The following ERBB4 variants were observed in gnomAD, a reference collection of about 807,000 sequenced individuals.
The protein encoded by ERBB4 is erb-b2 receptor tyrosine kinase 4.
ERBB4 carries 42 observed loss-of-function variants against 158.0 expected under a neutral mutation model. The observed-to-expected ratio is 0.27, with a 90% CI of 0.21 to 0.34. The LOEUF is 0.34. Among genes scored for constraint, ERBB4 ranks in the 10% least tolerant of loss-of-function variants. ERBB4 has a pLI of 1.00. For synonymous variants in ERBB4, 583 were observed against 558.7 expected (o/e 1.04, Z -0.61); for missense variants, 1,333 against 1,624.1 (o/e 0.82, Z 3.08).
intron 1 of ERBB4, among the ~76,000 whole-genome samples, chr2:212,297,943 T>A (rs923896506): frequency 1.3e-5 from 2 of 151,686 alleles, no homozygotes; most frequent in African/African-American, 4.8e-5. Context: ...AATATAGTCA[T>A]AAAAATAATG....
chr2:211,482,474 A>C (rs564018985), intron 20 of ERBB4, among the ~76,000 whole-genome samples: 1 of 152,344 alleles, frequency 6.6e-6, no homozygotes, highest in Admixed American at 6.5e-5. Flanking sequence ...TCAGCATCTC[A>C]GAAGAAAGTT....
At chr2:212,018,658 G>T (rs1473638) in intron 2 of ERBB4, among the ~76,000 whole-genome samples, 109,255 of 151,978 alleles carry the variant, frequency 0.72, 40,357 homozygotes, top group East Asian at 0.93. Context: ...ATTTTATAGG[G>T]TTCATAGAAC....
intron 1 of ERBB4, among the ~76,000 whole-genome samples, chr2:212,432,190 A>C (rs1265334823): frequency 6.6e-6 from 1 of 152,314 alleles, no homozygotes; most frequent in South Asian, 2.1e-4. Flanking sequence ...TGGAATCAAA[A>C]TTTCAATGGT....
intron 20 of ERBB4, among the ~76,000 whole-genome samples, chr2:211,497,016 G>T (rs942234460): frequency 6.6e-6 from 1 of 152,014 alleles, no homozygotes; most frequent in African/African-American, 2.4e-5. Flanking sequence ...TTTGTCTGCT[G>T]TGTACCCCCA....
At chr2:211,755,919 C>T (rs1039668224) in intron 4 of ERBB4, among the ~76,000 whole-genome samples, 6 of 152,192 alleles carry the variant, frequency 3.9e-5, no homozygotes, top group Non-Finnish European at 7.3e-5. Context: ...CTAAAGGCAA[C>T]GCAGTTACAT....
chr2:211,882,902 T>C (rs1302127317), intron 3 of ERBB4, among the ~76,000 whole-genome samples: 3 of 152,170 alleles, frequency 2.0e-5, no homozygotes, highest in Non-Finnish European at 4.4e-5. Flanking sequence ...TGTATCTGTG[T>C]TGGGTTCTAA....
rs2090054904 is a variant in ERBB4, at chr2:212,370,731, TTC to T, written c.82+167716_82+167717del. 2.0e-5 allele frequency among the ~76,000 whole-genome samples: 3 copies of T among 152,164 alleles called. No homozygotes were observed. In the South Asian group the frequency reaches 6.2e-4, roughly 32 times the overall value. ...TTCAGAATCTTAAAAGCCATTTACCTTCTGTTTTTATATAACCCTTAAACACT... is the reference window on the plus strand; with the variant it reads ...TTCAGAATCTTAAAAGCCATTTACCTTGTTTTTATATAACCCTTAAACACT... On this transcript the variant is annotated intron_variant, in intron 1 of 27. Transcript: ENST00000342788.
chr2:212,284,088 T>C (rs2085864524), intron 1 of ERBB4, among the ~76,000 whole-genome samples: 1 of 152,072 alleles, frequency 6.6e-6, no homozygotes, highest in African/African-American at 2.4e-5. Context: ...AGTCAATTAT[T>C]ACAAAGAAGC....
rs1476152052 is a variant in ERBB4 at position 211,378,547 on chromosome 2, C to A, written c.*5068G>T. ...AGGGCCCCTGGCCCGACACAATGCC[C>A]ACAACAGCTTCTTGTTTCCAACTGC... On this transcript the variant is annotated 3_prime_UTR_variant, in exon 28 of 28. Coordinates refer to ENST00000342788, the MANE Select transcript of ERBB4 (RefSeq NM_005235.3). The A allele has an allele frequency of 8.6e-6, 2 of 232,728 alleles. No homozygotes were observed. The highest frequency in any genetic ancestry group is 1.7e-5 in the Non-Finnish European group (2 of 117,450). 14.4% of individuals were successfully genotyped at this position (232,728 alleles called of 1,614,324 possible).
intron 1 of ERBB4, among the ~76,000 whole-genome samples, chr2:212,213,357 C>A (rs62182602): frequency 0.16 from 24,633 of 151,894 alleles, 2,421 homozygotes; most frequent in Non-Finnish European, 0.21. Flanking sequence ...ATCAAAATCA[C>A]AATGAGAAGT....
chr2:211,587,822 T>C (rs978207151), intron 19 of ERBB4, among the ~76,000 whole-genome samples: 4 of 152,272 alleles, frequency 2.6e-5, no homozygotes, highest in East Asian at 1.9e-4. Flanking sequence ...TCTGTAAAAA[T>C]TACAGATGTA....
intron 12 of ERBB4, among the ~76,000 whole-genome samples, chr2:211,701,252 C>T (rs1294809777): frequency 3.3e-5 from 5 of 152,104 alleles, no homozygotes; most frequent in Admixed American, 2.0e-4. Context: ...TAGAAAAATA[C>T]GTCATTTTTC....
intron 2 of ERBB4, among the ~76,000 whole-genome samples, chr2:212,043,257 A>G (rs2077181599): frequency 6.6e-6 from 1 of 152,168 alleles, no homozygotes; most frequent in Non-Finnish European, 1.5e-5. Flanking sequence ...TTTTTAGTTG[A>G]CAAAGACTCA....
intron 9 of ERBB4, among the ~76,000 whole-genome samples, chr2:211,708,453 A>T (rs1436065665): frequency 6.6e-6 from 1 of 152,146 alleles, no homozygotes; most frequent in Non-Finnish European, 1.5e-5. Flanking sequence ...TTTCCAAAAG[A>T]GTCTATATAA....
chr2:212,395,323 G>A (rs533536745), intron 1 of ERBB4, among the ~76,000 whole-genome samples: 1 of 151,782 alleles, frequency 6.6e-6, no homozygotes, highest in Non-Finnish European at 1.5e-5. Flanking sequence ...GAATAGGGAG[G>A]AACATAAAGC....
At chr2:211,515,896 T>TTTTATATATA (rs1394844699) in intron 20 of ERBB4, among the ~76,000 whole-genome samples, 2 of 88,946 alleles carry the variant, frequency 2.2e-5, no homozygotes, top group African/African-American at 1.0e-4. Flanking sequence ...AAAACATATA[T>TTTTATATATA]TATATATATA....
At chr2:212,402,984 T>G (rs1026254869) in intron 1 of ERBB4, among the ~76,000 whole-genome samples, 1 of 152,090 alleles carries the variant, frequency 6.6e-6, no homozygotes, top group Non-Finnish European at 1.5e-5. Context: ...AGACCTGTTG[T>G]TTATTCAGTT....
chr2:212,274,205 T>C (rs1292319170), intron 1 of ERBB4, among the ~76,000 whole-genome samples: 2 of 151,870 alleles, frequency 1.3e-5, no homozygotes, highest in African/African-American at 4.8e-5. Flanking sequence ...GAAACTGCAG[T>C]TGCAAACCTC....
chr2:211,500,755 AT>A (rs1391560762), intron 20 of ERBB4, among the ~76,000 whole-genome samples: 1 of 151,924 alleles, frequency 6.6e-6, no homozygotes, highest in Non-Finnish European at 1.5e-5. Context: ...TTCTTCCACA[AT>A]TTTTTGAAAG....
Sources: gnomAD v4.1 joint callset for allele counts (sites outside exome capture counted in the v4.1 genomes callset) on GRCh38, gnomAD v4.1.1 for gene constraint, MANE v1.5 for transcripts, NCBI Gene and HGNC (gene_info 2026-07-23, HGNC 2026-07-21) for gene names.